The following PTPN3 variants were observed in gnomAD, a reference collection of about 807,000 sequenced individuals.
The protein encoded by PTPN3 is protein tyrosine phosphatase non-receptor type 3.
Under a neutral mutation model 132.7 loss-of-function variants are expected in PTPN3, and 96 were observed. The observed-to-expected ratio is 0.72, with a 90% CI of 0.61 to 0.86. PTPN3 has a LOEUF of 0.86. Among genes scored for constraint, PTPN3 ranks in the 40% least tolerant of loss-of-function variants. PTPN3 has a pLI of 0.00. For synonymous variants in PTPN3, 398 were observed against 429.0 expected (o/e 0.93, Z 0.89); for missense variants, 1,125 against 1,159.6 (o/e 0.97, Z 0.43).
chr9:109,470,511 T>C (rs1186526879), intron 1 of PTPN3, among the ~76,000 whole-genome samples: 1 of 148,658 alleles, frequency 6.7e-6, no homozygotes, highest in African/African-American at 2.5e-5. Context: ...TAAAATTTAC[T>C]AGTGAGACCA....
At chr9:109,516,655 G>C in the PTPN3 span, among the ~76,000 whole-genome samples, 1 of 152,322 alleles carries the variant, frequency 6.6e-6, no homozygotes, top group African/African-American at 2.4e-5. Context: ...GAGCATTGAA[G>C]ATTGTAAGAA....
chr9:109,487,690 T>C (rs1043475638), intron 1 of PTPN3, among the ~76,000 whole-genome samples: 3 of 152,134 alleles, frequency 2.0e-5, no homozygotes, highest in Non-Finnish European at 4.4e-5. Flanking sequence ...TAGCAACTTC[T>C]ACATAGAGAA....
chr9:109,414,963 C>A (rs1842356831), intron 14 of PTPN3, among the ~76,000 whole-genome samples: 1 of 152,032 alleles, frequency 6.6e-6, no homozygotes, highest in South Asian at 2.1e-4. Flanking sequence ...GAGGGGGCAT[C>A]CCATTGTGAA....
chr9:109,521,965 C>CGAGG, the PTPN3 span, among the ~76,000 whole-genome samples: 19,480 of 131,262 alleles, frequency 0.15, 1,462 homozygotes, highest in Middle Eastern at 0.28. Context: ...GGGTACCTCT[C>CGAGG]CTTAGAGAGG....
At chr9:109,459,505 G>A (rs952283299) in intron 2 of PTPN3, among the ~76,000 whole-genome samples, 1 of 152,186 alleles carries the variant, frequency 6.6e-6, no homozygotes, top group Non-Finnish European at 1.5e-5. Flanking sequence ...GAACAATGAC[G>A]TTCATAACTA....
intron 5 of PTPN3, among the ~76,000 whole-genome samples, chr9:109,453,949 A>T (rs1396882061): frequency 6.6e-6 from 1 of 151,818 alleles, no homozygotes; most frequent in East Asian, 1.9e-4. Context: ...TGGGAGGCGG[A>T]GGTTGCAGTG....
intron 14 of PTPN3, among the ~76,000 whole-genome samples, chr9:109,415,978 A>G (rs962557268): frequency 3.9e-5 from 6 of 152,106 alleles, no homozygotes. Context: ...TCTGAACAAA[A>G]CCCTGTCCCT....
chr9:109,475,605 T>C (rs965857506), intron 1 of PTPN3, among the ~76,000 whole-genome samples: 2 of 152,202 alleles, frequency 1.3e-5, no homozygotes, highest in Admixed American at 1.3e-4. Flanking sequence ...ATGAATCAAG[T>C]TGCATAAACC....
intron 11 of PTPN3, among the ~76,000 whole-genome samples, chr9:109,427,812 T>C (rs1417091849): frequency 6.6e-6 from 1 of 152,102 alleles, no homozygotes; most frequent in Non-Finnish European, 1.5e-5. Flanking sequence ...TTTGAAAAAT[T>C]GGGAAATTGA....
chr9:109,465,153 T>C (rs952062615), intron 1 of PTPN3, among the ~76,000 whole-genome samples: 2 of 152,200 alleles, frequency 1.3e-5, no homozygotes, highest in African/African-American at 4.8e-5. Flanking sequence ...ACCATGATAT[T>C]AGGGAACAGT....
rs199759803 is a variant in PTPN3, at chr9:109,406,491, C to T, written c.1763G>A (p.Arg588Gln). The change falls in exon 18 of 26, where the codon CGG (arginine) becomes CAG (glutamine). Residue 588 changes from arginine (R) to glutamine (Q), a missense_variant. Coordinates refer to ENST00000374541, the MANE Select transcript of PTPN3 (RefSeq NM_002829.4). ...CCTCCTGATCACCAGGGCCAGCTCC[C>T]GTGAGTGGGACTCCCGGCTGGCTTT... ...FIKASRESHS[R>Q]ELALVIRRRA... 66 of 1,613,986 alleles carry T rather than the reference C, an allele frequency of 4.1e-5. No homozygotes were observed. Among genetic ancestry groups the T allele is most frequent in the East Asian group, 2.2e-4 (10 of 44,888 alleles).
intron 17 of PTPN3, 99 bp downstream of exon 17, chr9:109,408,222 G>T: frequency 1.0e-6 from 1 of 956,284 alleles, no homozygotes; most frequent in Non-Finnish European, 1.6e-6. Context: ...CACATTCTTT[G>T]CTCTGGCAAA....
At chr9:109,497,257 A>G (rs1179040419) in intron 1 of PTPN3, among the ~76,000 whole-genome samples, 1 of 152,124 alleles carries the variant, frequency 6.6e-6, no homozygotes, top group Non-Finnish European at 1.5e-5. Context: ...TCTCTAAACG[A>G]ATTAAATTCA....
chr9:109,457,339 T>C lies in PTPN3; in HGVS notation c.199A>G (p.Lys67Glu). 1 of 1,614,156 alleles carries C rather than the reference T, an allele frequency of 6.2e-7. No homozygotes were observed. The highest frequency in any genetic ancestry group is 8.5e-7 in the Non-Finnish European group (1 of 1,180,038). The change falls in exon 3 of 26, where the codon AAG (lysine) becomes GAG (glutamate). Residue 67 changes from lysine (K) to glutamate (E), a missense_variant. Lys to Glu is a moderately conservative substitution (Grantham distance 56). Coordinates refer to ENST00000374541, the MANE Select transcript of PTPN3 (RefSeq NM_002829.4). ...MVHNHLGVTE[K>E]EYFGLQHDDD... ...TCATGCTGTAAACCAAAATATTCCT[T>C]TTCAGTCACACCCAGGTGGTTGTGC... is the stretch of plus-strand genomic sequence containing the variant.
the PTPN3 span, among the ~76,000 whole-genome samples, chr9:109,514,505 T>A: frequency 6.6e-6 from 1 of 152,238 alleles, no homozygotes; most frequent in Non-Finnish European, 1.5e-5. Context: ...TGCCATGTAC[T>A]ACTGTTCTAG....
upstream of PTPN3, among the ~76,000 whole-genome samples, chr9:109,500,149 A>G (rs1847844333): frequency 6.6e-6 from 1 of 152,248 alleles, no homozygotes; most frequent in African/African-American, 2.4e-5. Context: ...AGTTGAGTGA[A>G]ATAAGGAACG....
At chr9:109,510,453 G>C in the PTPN3 span, among the ~76,000 whole-genome samples, 1 of 151,206 alleles carries the variant, frequency 6.6e-6, no homozygotes, top group African/African-American at 2.4e-5. Context: ...AGCTACTCAG[G>C]AGGCTGAGGC....
intron 16 of PTPN3, 65 bp from the exon 17 acceptor site, chr9:109,408,442 A>AAAC: frequency 7.5e-7 from 1 of 1,327,708 alleles, no homozygotes; most frequent in Non-Finnish European, 1.1e-6. Context: ...ACAAACAAAA[A>AAAC]AACGAGTAGC....
chr9:109,412,699 G>A (rs1842177614), intron 14 of PTPN3, among the ~76,000 whole-genome samples: 1 of 151,804 alleles, frequency 6.6e-6, no homozygotes, highest in South Asian at 2.1e-4. Flanking sequence ...TAGACACAGG[G>A]TCTCACTATG....
Sources: allele counts gnomAD v4.1 joint callset (sites outside exome capture counted in the v4.1 genomes callset), GRCh38; gene constraint gnomAD v4.1.1; transcripts MANE v1.5; gene names NCBI Gene and HGNC (gene_info 2026-07-23, HGNC 2026-07-21).